Variants in LSAMP observed in about 807,000 individuals in gnomAD.
LSAMP encodes limbic system-associated membrane protein.
LSAMP carries 7 observed loss-of-function variants against 38.6 expected under a neutral mutation model. The observed-to-expected ratio is 0.18, with a 90% confidence interval of 0.10 to 0.34. The LOEUF is 0.34. Among genes scored for constraint, LSAMP ranks in the 10% least tolerant of loss-of-function variants. The probability of loss-of-function intolerance (pLI) is 1.00; values close to 1 mark genes in which losing one functional copy is unlikely to be tolerated. For missense variants in LSAMP, 313 were observed against 420.0 expected (o/e 0.75, Z 2.23); for synonymous variants, 154 against 166.8 (o/e 0.92, Z 0.59).
At chr3:115,949,890 T>C (rs1393612657) in intron 3 of LSAMP, among the ~76,000 whole-genome samples, 4 of 152,066 alleles carry the variant, frequency 2.6e-5, no homozygotes, top group Admixed American at 1.3e-4. Context: ...TAATACACCA[T>C]GATCAAGTGG....
At chr3:116,011,620 G>A (rs1169306373) in intron 3 of LSAMP, among the ~76,000 whole-genome samples, 1 of 152,094 alleles carries the variant, frequency 6.6e-6, no homozygotes, top group Non-Finnish European at 1.5e-5. Context: ...GTAGCAAAGG[G>A]TCCAACTGGA....
chr3:115,864,330 T>C (rs1290458309), intron 3 of LSAMP, among the ~76,000 whole-genome samples: 1 of 152,172 alleles, frequency 6.6e-6, no homozygotes, highest in Non-Finnish European at 1.5e-5. Context: ...GGGACTAAAG[T>C]TGAGCTAAAT....
At chr3:116,266,053 C>T (rs1390542632) in intron 1 of LSAMP, among the ~76,000 whole-genome samples, 2 of 151,876 alleles carry the variant, frequency 1.3e-5, no homozygotes, top group African/African-American at 2.4e-5. Flanking sequence ...TTTATTTTCT[C>T]CCCTTGAGAA....
chr3:115,986,736 A>C (rs971076418), intron 3 of LSAMP, among the ~76,000 whole-genome samples: 5 of 152,156 alleles, frequency 3.3e-5, no homozygotes, highest in African/African-American at 4.8e-5. Flanking sequence ...ACACAAAATC[A>C]GAAGCTCAGC....
At chr3:116,152,132 A>G (rs2107528002) in intron 1 of LSAMP, among the ~76,000 whole-genome samples, 1 of 152,194 alleles carries the variant, frequency 6.6e-6, no homozygotes, top group African/African-American at 2.4e-5. Flanking sequence ...CTTGAGGCAT[A>G]CATTATTATT....
chr3:116,371,227 G>A (rs1319302539), intron 1 of LSAMP, among the ~76,000 whole-genome samples: 3 of 151,994 alleles, frequency 2.0e-5, no homozygotes, highest in African/African-American at 2.4e-5. Context: ...TGATATCAAA[G>A]CAGAAAAAGA....
chr3:116,395,355 G>A (rs991990811), intron 1 of LSAMP, among the ~76,000 whole-genome samples: 2 of 152,216 alleles, frequency 1.3e-5, no homozygotes, highest in South Asian at 2.1e-4. Context: ...TTCCCTGGAT[G>A]AGCATGTTAC....
At chr3:116,425,505 G>C (rs1482826507) in intron 1 of LSAMP, among the ~76,000 whole-genome samples, 6 of 152,150 alleles carry the variant, frequency 3.9e-5, no homozygotes, top group Non-Finnish European at 1.5e-5. Context: ...CCATAGAAAA[G>C]TCATTTTTTC....
intron 1 of LSAMP, among the ~76,000 whole-genome samples, chr3:116,243,751 A>T (rs2107640849): frequency 6.6e-6 from 1 of 152,308 alleles, no homozygotes; most frequent in South Asian, 2.1e-4. Context: ...TACTGAACTA[A>T]ATGTCTATAG....
chr3:115,845,502 CTG>C (rs1271048679), intron 4 of LSAMP, among the ~76,000 whole-genome samples: 1 of 152,178 alleles, frequency 6.6e-6, no homozygotes, highest in Non-Finnish European at 1.5e-5. Context: ...GAAGAAGAAA[CTG>C]GGCCTGTTTG....
At chr3:116,353,433 A>C (rs2107768319) in intron 1 of LSAMP, among the ~76,000 whole-genome samples, 1 of 152,194 alleles carries the variant, frequency 6.6e-6, no homozygotes, top group African/African-American at 2.4e-5. Flanking sequence ...TTGTTATTTA[A>C]TTACTTCGTA....
chr3:116,173,851 C>T (rs1236162793), intron 1 of LSAMP, among the ~76,000 whole-genome samples: 1 of 149,774 alleles, frequency 6.7e-6, no homozygotes, highest in African/African-American at 2.5e-5. Context: ...CTTCTTCCAT[C>T]TCTCCTTGTT....
At chr3:115,949,547 A>G (rs889983215) in intron 3 of LSAMP, among the ~76,000 whole-genome samples, 1 of 152,090 alleles carries the variant, frequency 6.6e-6, no homozygotes, top group Non-Finnish European at 1.5e-5. Flanking sequence ...AGAAACTCTG[A>G]ACAGACAAAT....
intron 6 of LSAMP, among the ~76,000 whole-genome samples, chr3:115,825,962 G>T (rs1044381666): frequency 6.6e-6 from 1 of 151,976 alleles, no homozygotes; most frequent in East Asian, 1.9e-4. Flanking sequence ...AAACTCTTAC[G>T]TAAAAAATAT....
chr3:116,222,076 G>C (rs745352337), intron 1 of LSAMP, among the ~76,000 whole-genome samples: 2 of 151,858 alleles, frequency 1.3e-5, no homozygotes, highest in Non-Finnish European at 2.9e-5. Context: ...CTCTTTCTAG[G>C]AGTAAGATCC....
intron 3 of LSAMP, among the ~76,000 whole-genome samples, chr3:115,853,374 G>A (rs1338801159): frequency 6.6e-6 from 1 of 152,218 alleles, no homozygotes; most frequent in Non-Finnish European, 1.5e-5. Context: ...GTGATGGACT[G>A]TGTCATCTGG....
chr3:116,258,895 G>T (rs543832866), intron 1 of LSAMP, among the ~76,000 whole-genome samples: 1 of 152,048 alleles, frequency 6.6e-6, no homozygotes, highest in Non-Finnish European at 1.5e-5. Context: ...AAAGGTTTAC[G>T]TGTAACACTT....
intron 1 of LSAMP, among the ~76,000 whole-genome samples, chr3:116,374,657 G>A (rs2048471362): frequency 6.6e-6 from 1 of 151,876 alleles, no homozygotes; most frequent in Non-Finnish European, 1.5e-5. Flanking sequence ...ATACAATAGT[G>A]AATAATCAGT....
chr3:116,001,283 G>C (rs1008333558), intron 3 of LSAMP, among the ~76,000 whole-genome samples: 2 of 152,178 alleles, frequency 1.3e-5, no homozygotes, highest in African/African-American at 4.8e-5. Flanking sequence ...TTAGTCACCA[G>C]TAATAAAATA....
Sources: allele counts gnomAD v4.1 joint callset (sites outside exome capture counted in the v4.1 genomes callset), GRCh38; gene constraint gnomAD v4.1.1; transcripts MANE v1.5; gene names NCBI Gene and HGNC (gene_info 2026-07-23, HGNC 2026-07-21).